Variants in RBBP9 observed in about 807,000 individuals in gnomAD.
The protein encoded by RBBP9 is serine hydrolase RBBP9.
RBBP9 carries 20 observed loss-of-function variants against 24.2 expected under a neutral mutation model. That is an observed-to-expected ratio of 0.83 (90% confidence interval 0.58 to 1.20). The LOEUF (loss-of-function observed/expected upper bound fraction) is 1.20, where lower values mean the gene tolerates loss of function less well. Ranked by LOEUF, RBBP9 falls within the 50% of genes most tolerant of loss-of-function variation. The pLI is 0.00. For synonymous variants in RBBP9, 74 were observed against 84.6 expected (o/e 0.87, Z 0.69); for missense variants, 234 against 233.6 (o/e 1.00, Z -0.01).
At position 18,497,211 on chromosome 20, in the gene RBBP9, C is replaced by A. The variant is rs916630757; in HGVS notation, c.-44G>T. ...GTTCCCCAGCGCGGGTCCAGCGGAGCTGAGCCCAGCCTGCTCCCGCAGGGA... is the reference window on the plus strand; with the variant it reads ...GTTCCCCAGCGCGGGTCCAGCGGAGATGAGCCCAGCCTGCTCCCGCAGGGA... On this transcript the variant is annotated 5_prime_UTR_variant, in exon 1 of 5. Coordinates refer to ENST00000337227, the MANE Select transcript of RBBP9 (RefSeq NM_006606.3). 33 of 1,525,534 alleles carry A rather than the reference C, an allele frequency of 2.2e-5. No individual in the cohort carries two copies. Among genetic ancestry groups the A allele is most frequent in the Non-Finnish European group, 3.0e-5 (33 of 1,103,530 alleles). The allele number at this position is 1,525,534 out of a possible 1,614,324, so 94.5% of individuals were successfully genotyped here.
intron 3 of RBBP9, among the ~76,000 whole-genome samples, chr20:18,491,942 C>T (rs987783883): frequency 3.7e-4 from 56 of 151,828 alleles, no homozygotes; most frequent in African/African-American, 1.4e-3. Context: ...ACTAAAAATA[C>T]AAAAATTAGC....
rs1028413949 is a variant in RBBP9, at chr20:18,488,556, A to C, written c.*1208T>G. On this transcript the variant is annotated 3_prime_UTR_variant, in exon 5 of 5. Transcript: ENST00000337227. The stretch of plus-strand genomic sequence containing the variant: ...GCTGGGATTACAGGCATGAGCCACC[A>C]CACCCAGCCAAAAAAAGGTTTTCTG... 12 of 145,468 alleles carry C rather than the reference A, an allele frequency of 8.2e-5. No homozygotes were observed. The highest frequency in any genetic ancestry group is 2.7e-4 in the African/African-American group (11 of 40,328). The allele number at this position is 145,468 out of a possible 1,614,324, so 9.0% of individuals were successfully genotyped here.
At chr20:18,490,317 A>G in intron 4 of RBBP9, 78 bp downstream of exon 4, 2 of 1,124,316 alleles carry the variant, frequency 1.8e-6, no homozygotes, top group Non-Finnish European at 2.7e-6. Flanking sequence ...TCTGAAAGAC[A>G]GCACTGTTTT....
At chr20:18,492,665 T>C (rs1424779776) in intron 3 of RBBP9, among the ~76,000 whole-genome samples, 9 of 152,318 alleles carry the variant, frequency 5.9e-5, no homozygotes, top group Admixed American at 5.9e-4. Context: ...ATCTGTAGGG[T>C]AGTCCTCTAT....
chr20:18,493,946 C>G lies in RBBP9; in HGVS notation c.248+12G>C. The G allele has an allele frequency of 2.5e-6, 4 of 1,592,236 alleles. No individual in the cohort carries two copies. Among genetic ancestry groups the G allele is most frequent in the Non-Finnish European group, 1.7e-6 (2 of 1,170,046 alleles). On this transcript the variant is annotated intron_variant, in intron 3 of 4. Transcript: ENST00000337227. ...GCCCACAAAGGGGATAGCAGTTTAA[C>G]AAAGATCGCACCTCATGGCCGCGAT...
At position 18,489,913 on chromosome 20, in the gene RBBP9, C is replaced by T. The variant is rs774369398; in HGVS notation, c.412G>A (p.Asp138Asn). 14 of 1,613,760 alleles carry T rather than the reference C, an allele frequency of 8.7e-6. No individual in the cohort carries two copies. Among genetic ancestry groups the T allele is most frequent in the East Asian group, 2.2e-5 (1 of 44,870 alleles). Residue 138 changes from aspartate (D) to asparagine (N), a missense_variant, in exon 5 of 5, where the codon GAC (aspartate) becomes AAC (asparagine). Coordinates refer to ENST00000337227, the MANE Select transcript of RBBP9 (RefSeq NM_006606.3). ...TGTTCCTTCCAGGGAAGGAACGGGT[C>T]GTCAGTAGAGCCAAACTGCACAATG... ...PYIVQFGSTD[D>N]PFLPWKEQQE... is the part of the protein sequence containing the mutation.
intron 2 of RBBP9, among the ~76,000 whole-genome samples, chr20:18,495,015 C>T (rs1450189054): frequency 6.6e-6 from 1 of 152,044 alleles, no homozygotes; most frequent in South Asian, 2.1e-4. Context: ...AGGTGAGGGG[C>T]GCCTCTGCCC....
At position 18,487,105 on chromosome 20, in the gene RBBP9, T is replaced by C. The variant is rs1453241288; in HGVS notation, c.*2659A>G. On this transcript the variant is annotated 3_prime_UTR_variant, in exon 5 of 5. Coordinates refer to ENST00000337227, the MANE Select transcript of RBBP9 (RefSeq NM_006606.3). The stretch of plus-strand genomic sequence containing the variant: ...CAATGTTGTCCAATAGAGCTTTCTA[T>C]AATGACGGAAATAGCCTATATTGGC... 6.6e-6 allele frequency: 1 copy of C among 152,238 alleles called. No individual in the cohort carries two copies. The highest frequency in any genetic ancestry group is 1.5e-5 in the Non-Finnish European group (1 of 68,042). The allele number at this position is 152,238 out of a possible 1,614,324, so 9.4% of individuals were successfully genotyped here.
chr20:18,496,188 T>C (rs1159400694), intron 1 of RBBP9, among the ~76,000 whole-genome samples: 5 of 152,154 alleles, frequency 3.3e-5, no homozygotes, highest in African/African-American at 7.2e-5. Flanking sequence ...TGGAGCCAAA[T>C]AGACTGTGTT....
At chr20:18,490,540 C>T in intron 3 of RBBP9, 60 bp from the exon 4 acceptor site, 2 of 1,249,970 alleles carry the variant, frequency 1.6e-6, no homozygotes, top group Admixed American at 3.5e-5. Context: ...ACCAAAAAGT[C>T]AATAAACTAC....
chr20:18,492,096 C>CAAAAAAA (rs71194242), intron 3 of RBBP9, among the ~76,000 whole-genome samples: 10 of 70,040 alleles, frequency 1.4e-4, no homozygotes, highest in Non-Finnish European at 1.8e-4. Flanking sequence ...GGCTCTGTCT[C>CAAAAAAA]AAAAAAAAAA....
chr20:18,494,256 G>C (rs911490522), intron 2 of RBBP9, among the ~76,000 whole-genome samples, 193 bp from the exon 3 acceptor site: 8 of 141,758 alleles, frequency 5.6e-5, no homozygotes, highest in African/African-American at 2.1e-4. Context: ...CAAGTCCACA[G>C]TTTTGGTAAC....
Position 18,497,171 on chromosome 20 carries a change from T to G in RBBP9, c.-4A>C, listed in dbSNP as rs1396478515. 1 of 1,611,888 alleles carries G rather than the reference T, an allele frequency of 6.2e-7. No homozygotes were observed. The highest frequency in any genetic ancestry group is 8.5e-7 in the Non-Finnish European group (1 of 1,178,166). ...CTGCCTTGCTAGGAGAAGCCATGAG[T>G]GCAGCGAGGCCAGAGTTCCCCAGCG... On this transcript the variant is annotated 5_prime_UTR_variant, in exon 1 of 5. Transcript: ENST00000337227.
In RBBP9 at chr20:18,489,766, A is replaced by T. The variant is rs534110263; in HGVS notation, c.559T>A (p.Ter187LysextTer3). 1.4e-5 allele frequency: 22 copies of T among 1,595,160 alleles called. No individual in the cohort carries two copies. Among genetic ancestry groups the T allele is most frequent in the Middle Eastern group, 1.7e-4 (1 of 5,756 alleles). Residue 187 changes from the stop codon to lysine, a stop_lost, in exon 5 of 5, where the codon TAG becomes AAG. Transcript: ENST00000337227. ...CAAAATAGCAGAAATCATACAGTCT[A>T]TGCTGGTACTTTCAGCAAAGACTTT... ...VVKSLLKVPA[*>K]
chr20:18,494,837 G>A (rs1359014859), intron 2 of RBBP9, among the ~76,000 whole-genome samples: 2 of 152,174 alleles, frequency 1.3e-5, no homozygotes, highest in African/African-American at 2.4e-5. Flanking sequence ...ATGCTGTAAA[G>A]TTTTATACCT....
chr20:18,496,009 T>A, intron 1 of RBBP9, 129 bp from the exon 2 acceptor site: 1 of 789,916 alleles, frequency 1.3e-6, no homozygotes, highest in Non-Finnish European at 2.0e-6. Flanking sequence ...TGAAATGAAG[T>A]AGGTTAAGTG....
At position 18,489,618 on chromosome 20, in the gene RBBP9, G is replaced by T. The variant is rs2059856529; in HGVS notation, c.*146C>A. 5.0e-6 allele frequency: 3 copies of T among 600,134 alleles called. No individual in the cohort carries two copies. Among genetic ancestry groups the T allele is most frequent in the Non-Finnish European group, 8.8e-6 (3 of 339,366 alleles). 37.2% of individuals were successfully genotyped at this position (600,134 alleles called of 1,614,324 possible). ...TCTATGGAAAATGGAAGTGCTATTT[G>T]TAACTTAGATTGAATGTTGAAACTT... is the stretch of plus-strand genomic sequence containing the variant. On this transcript the variant is annotated 3_prime_UTR_variant, in exon 5 of 5. Transcript: ENST00000337227.
rs2059848311 is a variant in RBBP9, at chr20:18,487,413, A to C, written c.*2351T>G. 6.6e-6 allele frequency: 1 copy of C among 152,214 alleles called. No individual in the cohort carries two copies. The highest frequency in any genetic ancestry group is 1.5e-5 in the Non-Finnish European group (1 of 68,038). 9.4% of individuals were successfully genotyped at this position (152,214 alleles called of 1,614,324 possible). ...GTATAAGTTTCTTTTTTAGGAAAGG[A>C]CTTCACAGAGAACAAGGCAAAGAAT... On this transcript the variant is annotated 3_prime_UTR_variant, in exon 5 of 5. Transcript: ENST00000337227.
chr20:18,490,372 C>A, intron 4 of RBBP9, 23 bp downstream of exon 4: 1 of 1,590,828 alleles, frequency 6.3e-7, no homozygotes, highest in South Asian at 1.1e-5. Context: ...GGGCTTTGCT[C>A]AGATTTCTAC....
Sources: gnomAD v4.1 joint callset for allele counts (sites outside exome capture counted in the v4.1 genomes callset) on GRCh38, gnomAD v4.1.1 for gene constraint, MANE v1.5 for transcripts, NCBI Gene and HGNC (gene_info 2026-07-23, HGNC 2026-07-21) for gene names.